The following TJP1 variants were observed in gnomAD, a reference collection of about 807,000 sequenced individuals.
TJP1 encodes tight junction protein 1.
In TJP1, 43 loss-of-function variants were observed where a neutral mutation model predicts 194.2. The ratio of observed to expected loss-of-function variants is 0.22; its 90% CI spans 0.17 to 0.29. The LOEUF (loss-of-function observed/expected upper bound fraction) is 0.29. Among genes scored for constraint, TJP1 ranks in the 10% least tolerant of loss-of-function variants. The pLI is 1.00. For synonymous variants in TJP1, 801 were observed against 779.0 expected, an observed-to-expected ratio of 1.03 and a Z score of -0.47; for missense variants, 1,971 against 2,185.7, an observed-to-expected ratio of 0.90 and a Z score of 1.96.
intron 2 of TJP1, among the ~76,000 whole-genome samples, chr15:29,924,858 G>A (rs888016319): frequency 7.9e-5 from 12 of 152,196 alleles, no homozygotes; most frequent in African/African-American, 2.7e-4. Context: ...GGGAATGCTG[G>A]TAGGGGCTAG....
intron 1 of TJP1, among the ~76,000 whole-genome samples, chr15:29,961,913 C>G (rs1290570404): frequency 6.6e-6 from 1 of 152,186 alleles, no homozygotes; most frequent in Non-Finnish European, 1.5e-5. Flanking sequence ...TATTAACAAC[C>G]CAGAAAACTG....
chr15:29,726,710 G>A (rs926379825), intron 17 of TJP1, 71 bp downstream of exon 17: 23 of 1,419,698 alleles, frequency 1.6e-5, no homozygotes, highest in African/African-American at 2.8e-5. Context: ...TTTGAACACC[G>A]TAACATTTTG....
chr15:29,742,735 AGACAGCCCCAGGTTTAGAAATTCTCTC>A lies in TJP1; in HGVS notation c.1030_1056del (p.Glu344_Val352del). On this transcript the variant is annotated inframe_deletion, in exon 9 of 28. Coordinates refer to ENST00000614355, the MANE Select transcript of TJP1 (RefSeq NM_001330239.4). ...TCATCAGCATGCTTTACAGGAGTTG[AGACAGCCCCAGGTTTAGAAATTCTCTC>A]TTCATCTCTACTCCGGAGACTGTGT... 6.2e-7 allele frequency: 1 copy of A among 1,606,880 alleles called. No individual in the cohort carries two copies. The highest frequency in any genetic ancestry group is 1.3e-5 in the African/African-American group (1 of 74,704).
chr15:29,878,980 G>A (rs952174304), intron 2 of TJP1, among the ~76,000 whole-genome samples: 1 of 151,868 alleles, frequency 6.6e-6, no homozygotes, highest in Non-Finnish European at 1.5e-5. Flanking sequence ...AAGATTAGCC[G>A]GGCGTTGTGG....
chr15:29,715,601 A>G (rs1358629442), intron 23 of TJP1, among the ~76,000 whole-genome samples: 1 of 152,228 alleles, frequency 6.6e-6, no homozygotes, highest in Non-Finnish European at 1.5e-5. Flanking sequence ...TATAGACACA[A>G]TACTATGTGT....
intron 2 of TJP1, among the ~76,000 whole-genome samples, chr15:29,830,011 A>G (rs1450575600): frequency 6.6e-6 from 1 of 152,038 alleles, no homozygotes; most frequent in African/African-American, 2.4e-5. Context: ...TACATTAAAA[A>G]AAAAATACAA....
chr15:29,932,300 A>C (rs1384007052), intron 2 of TJP1, among the ~76,000 whole-genome samples: 4 of 152,182 alleles, frequency 2.6e-5, no homozygotes, highest in African/African-American at 9.7e-5. Context: ...TAAACAGACC[A>C]AGGGAAAATA....
chr15:29,829,533 G>A (rs2050772700), intron 2 of TJP1, among the ~76,000 whole-genome samples: 1 of 151,582 alleles, frequency 6.6e-6, no homozygotes, highest in Admixed American at 6.6e-5. Flanking sequence ...AGACATTTCT[G>A]AGCCTCAAAC....
intron 8 of TJP1, among the ~76,000 whole-genome samples, chr15:29,744,961 G>C (rs2044668745): frequency 1.3e-5 from 2 of 151,916 alleles, no homozygotes; most frequent in African/African-American, 4.8e-5. Flanking sequence ...CTATCATCAG[G>C]GTTATTTCAA....
chr15:29,756,338 CTATG>C (rs2045641434), intron 8 of TJP1, among the ~76,000 whole-genome samples: 1 of 152,198 alleles, frequency 6.6e-6, no homozygotes, highest in African/African-American at 2.4e-5. Context: ...ATTATTTTCC[CTATG>C]TATATGTATT....
chr15:29,746,067 T>C (rs1442008451), intron 8 of TJP1, among the ~76,000 whole-genome samples: 2 of 152,192 alleles, frequency 1.3e-5, no homozygotes, highest in Non-Finnish European at 2.9e-5. Context: ...TGAAATAGAA[T>C]GATATGTACA....
chr15:29,783,423 C>T (rs1194351146), intron 2 of TJP1, among the ~76,000 whole-genome samples: 1 of 152,134 alleles, frequency 6.6e-6, no homozygotes, highest in Non-Finnish European at 1.5e-5. Flanking sequence ...ATGGCAGTTC[C>T]TCAGAGCTAA....
chr15:29,850,586 T>C (rs56233669), intron 2 of TJP1, among the ~76,000 whole-genome samples: 1 of 151,886 alleles, frequency 6.6e-6, no homozygotes, highest in African/African-American at 2.4e-5. Flanking sequence ...CCGCCCACCT[T>C]GGCCTCCCAA....
chr15:29,863,543 G>A (rs2052177292), intron 2 of TJP1, among the ~76,000 whole-genome samples: 1 of 152,088 alleles, frequency 6.6e-6, no homozygotes, highest in African/African-American at 2.4e-5. Flanking sequence ...TCTCTCTGGG[G>A]TGTCACAACC....
intron 2 of TJP1, among the ~76,000 whole-genome samples, chr15:29,920,154 G>T (rs1410518227): frequency 6.6e-6 from 1 of 152,188 alleles, no homozygotes; most frequent in Non-Finnish European, 1.5e-5. Flanking sequence ...GAGCCTGTTA[G>T]TTACAGTACG....
chr15:29,792,193 T>G (rs10459668), intron 2 of TJP1, among the ~76,000 whole-genome samples: 143,576 of 152,260 alleles, frequency 0.94, 67,894 homozygotes, highest in East Asian at 1. Flanking sequence ...CCTTAGCCCA[T>G]ACCAATGACC....
chr15:29,848,517 A>T (rs1311056189), intron 2 of TJP1, among the ~76,000 whole-genome samples: 1 of 152,222 alleles, frequency 6.6e-6, no homozygotes. Context: ...GTAGTAACAG[A>T]GGAAGTTGAC....
chr15:29,919,613 A>C (rs2054292846), intron 2 of TJP1, among the ~76,000 whole-genome samples: 1 of 152,224 alleles, frequency 6.6e-6, no homozygotes, highest in Non-Finnish European at 1.5e-5. Context: ...TGGAAAGACC[A>C]GAGGTGACCT....
intron 2 of TJP1, among the ~76,000 whole-genome samples, chr15:29,909,779 A>G (rs1719042): frequency 0.65 from 98,062 of 151,484 alleles, 32,106 homozygotes; most frequent in East Asian, 0.84. Flanking sequence ...GAATGTCTTT[A>G]TGCACTCGGG....
Sources: gnomAD v4.1 joint callset for allele counts (sites outside exome capture counted in the v4.1 genomes callset) on GRCh38, gnomAD v4.1.1 for gene constraint, MANE v1.5 for transcripts, NCBI Gene and HGNC (gene_info 2026-07-23, HGNC 2026-07-21) for gene names.